The following FBXW7 variants were observed in gnomAD, a reference collection of about 807,000 sequenced individuals.
FBXW7 encodes the protein F-box and WD repeat domain containing 7, also known as F-box/WD repeat-containing protein 7.
FBXW7 carries 11 observed loss-of-function variants against 86.3 expected under a neutral mutation model. The ratio of observed to expected loss-of-function variants is 0.13; its 90% CI spans 0.08 to 0.21. The LOEUF (loss-of-function observed/expected upper bound fraction) is 0.21. Ranked by LOEUF, FBXW7 falls within the 10% of genes least tolerant of loss-of-function variation. FBXW7 has a pLI of 1.00. For missense variants in FBXW7, 488 were observed against 847.4 expected, an observed-to-expected ratio of 0.58 and a Z score of 5.27; for synonymous variants, 313 against 297.9, an observed-to-expected ratio of 1.05 and a Z score of -0.52.
chr4:152,472,035 C>CA lies in FBXW7; in HGVS notation c.-119-59507dup, dbSNP rs916094683. 7.9e-5 allele frequency among the ~76,000 whole-genome samples: 12 copies of CA among 151,604 alleles called. No homozygotes were observed. The South Asian group carries it at 1.3e-3, about 16-fold the overall frequency. ...ATTCTTTAAAAATACTTCAACTCAA[C>CA]AAAAAAAACAAACCGATTTTTAAGA... On this transcript the variant is annotated intron_variant, in intron 2 of 13. Transcript: ENST00000281708.
chr4:152,473,067 C>T (rs1341369193), intron 2 of FBXW7, among the ~76,000 whole-genome samples: 2 of 152,042 alleles, frequency 1.3e-5, no homozygotes, highest in Non-Finnish European at 2.9e-5. Flanking sequence ...AGGGAGACCC[C>T]GTCTCTATGA....
At chr4:152,442,281 A>G (rs1423746296) in intron 2 of FBXW7, among the ~76,000 whole-genome samples, 1 of 152,170 alleles carries the variant, frequency 6.6e-6, no homozygotes, top group Non-Finnish European at 1.5e-5. Context: ...AGAATTACAG[A>G]TCACTCTGGA....
chr4:152,433,780 T>A (rs577507920), intron 2 of FBXW7, among the ~76,000 whole-genome samples: 1 of 152,194 alleles, frequency 6.6e-6, no homozygotes. Context: ...ACACTTACAT[T>A]TTCATGTTTA....
intron 4 of FBXW7, among the ~76,000 whole-genome samples, chr4:152,398,702 C>T (rs753244725): frequency 7.2e-5 from 11 of 151,920 alleles, no homozygotes; most frequent in Non-Finnish European, 1.3e-4. Flanking sequence ...TCTGATCCAT[C>T]CAACTTGATT....
intron 4 of FBXW7, among the ~76,000 whole-genome samples, chr4:152,377,754 CAAAAAAAAAAAAAA>C (rs546746093): frequency 1.5e-5 from 1 of 68,584 alleles, no homozygotes; most frequent in Non-Finnish European, 3.0e-5. Flanking sequence ...GAGTCTGTCT[CAAAAAAAAAAAAAA>C]AAAATCAGAG....
intron 4 of FBXW7, among the ~76,000 whole-genome samples, chr4:152,367,170 A>G (rs1177671263): frequency 1.3e-5 from 2 of 152,162 alleles, no homozygotes; most frequent in Non-Finnish European, 2.9e-5. Context: ...AGAAATATCT[A>G]ATGTAAATGA....
chr4:152,347,132 A>C, intron 5 of FBXW7, 61 bp from the exon 6 acceptor site: 1 of 1,375,854 alleles, frequency 7.3e-7, no homozygotes, highest in Non-Finnish European at 1.0e-6. Context: ...AAGTGAAAGC[A>C]AAGATAGATA....
intron 2 of FBXW7, among the ~76,000 whole-genome samples, chr4:152,501,031 A>G (rs996193863): frequency 2.0e-5 from 3 of 152,244 alleles, no homozygotes; most frequent in African/African-American, 7.2e-5. Flanking sequence ...CTCACAGGAT[A>G]GACAAGTCCG....
At chr4:152,466,760 G>A (rs1203684532) in intron 2 of FBXW7, among the ~76,000 whole-genome samples, 2 of 151,922 alleles carry the variant, frequency 1.3e-5, no homozygotes, top group African/African-American at 4.8e-5. Context: ...GGCTAACATG[G>A]TGACATGCCA....
intron 2 of FBXW7, among the ~76,000 whole-genome samples, chr4:152,428,949 G>C (rs562186775): frequency 6.6e-6 from 1 of 152,274 alleles, no homozygotes; most frequent in South Asian, 2.1e-4. Flanking sequence ...CAGCACTTTG[G>C]GAGGCCAAGG....
chr4:152,479,188 TGC>T (rs1744666505), intron 2 of FBXW7, among the ~76,000 whole-genome samples: 1 of 152,078 alleles, frequency 6.6e-6, no homozygotes, highest in Non-Finnish European at 1.5e-5. Flanking sequence ...TCCTAAGAGA[TGC>T]AAATGACAAA....
chr4:152,413,361 C>T (rs1738146026), intron 2 of FBXW7, among the ~76,000 whole-genome samples: 1 of 152,032 alleles, frequency 6.6e-6, no homozygotes, highest in African/African-American at 2.4e-5. Flanking sequence ...CATTAAGTTG[C>T]ATGGTTTTCT....
chr4:152,405,116 A>AAAC, intron 4 of FBXW7, among the ~76,000 whole-genome samples: 1 of 151,210 alleles, frequency 6.6e-6, no homozygotes, highest in South Asian at 2.1e-4. Context: ...AAAAAAAAAA[A>AAAC]AAGAGGTGAA....
intron 4 of FBXW7, among the ~76,000 whole-genome samples, chr4:152,361,906 C>T (rs1407740610): frequency 1.5e-5 from 2 of 137,274 alleles, no homozygotes; most frequent in Non-Finnish European, 3.0e-5. Context: ...GTGGAGGGTG[C>T]AGTGAGCCGA....
rs149562132 is a variant in FBXW7, at chr4:152,517,101, G to A, written c.-120+17840C>T. Reference sequence around the variant, plus strand: ...GCCTCCCAAAGTGCTAGGATTATACGCATGAGCTACCGTGCCAGGCTGTTT... The same window carrying A: ...GCCTCCCAAAGTGCTAGGATTATACACATGAGCTACCGTGCCAGGCTGTTT... On this transcript the variant is annotated intron_variant, in intron 2 of 13. Transcript: ENST00000281708. Among the ~76,000 whole-genome samples the A allele has an allele frequency of 5.8e-3, 891 of 152,314 alleles. 29 individuals are homozygous for A. The highest frequency in any genetic ancestry group is 0.049 in the Admixed American group (755 of 15,294).
At chr4:152,402,422 T>C (rs1579101444) in intron 4 of FBXW7, among the ~76,000 whole-genome samples, 1 of 152,132 alleles carries the variant, frequency 6.6e-6, no homozygotes, top group African/African-American at 2.4e-5. Context: ...GTAACAGAGA[T>C]TTAGTTGAGG....
intron 7 of FBXW7, among the ~76,000 whole-genome samples, chr4:152,333,036 GT>G (rs1442077875): frequency 6.6e-6 from 1 of 151,926 alleles, no homozygotes; most frequent in South Asian, 2.1e-4. Flanking sequence ...AATGTTATTA[GT>G]TGTTTAACTT....
intron 2 of FBXW7, among the ~76,000 whole-genome samples, chr4:152,460,328 T>C (rs78394900): frequency 0.016 from 2,445 of 152,290 alleles, 76 homozygotes; most frequent in African/African-American, 0.056. Flanking sequence ...CAATACAGCA[T>C]CATAATTTTT....
intron 2 of FBXW7, among the ~76,000 whole-genome samples, chr4:152,503,801 A>C (rs1036135100): frequency 1.3e-5 from 2 of 152,214 alleles, no homozygotes; most frequent in Non-Finnish European, 2.9e-5. Flanking sequence ...TGTTTCTCCT[A>C]TTCCTTTATT....
Sources: allele counts gnomAD v4.1 joint callset (sites outside exome capture counted in the v4.1 genomes callset), GRCh38; gene constraint gnomAD v4.1.1; transcripts MANE v1.5; gene names NCBI Gene and HGNC (gene_info 2026-07-23, HGNC 2026-07-21).